The following ALPK2 variants were observed in gnomAD, a reference collection of about 807,000 sequenced individuals.
ALPK2 encodes the protein alpha-protein kinase 2.
A neutral mutation model predicts 163.1 loss-of-function variants in ALPK2; 127 were observed. The observed-to-expected ratio is 0.78, with a 90% CI of 0.67 to 0.90. ALPK2 has a LOEUF of 0.90. ALPK2 is among the 40% of genes least tolerant of loss of function. The pLI is 0.00. For missense variants in ALPK2, 2,360 were observed against 2,589.6 expected (o/e 0.91, Z 1.92); for synonymous variants, 953 against 959.1 (o/e 0.99, Z 0.12).
chr18:58,561,557 G>A (rs1168697933), intron 4 of ALPK2, among the ~76,000 whole-genome samples: 1 of 152,186 alleles, frequency 6.6e-6, no homozygotes, highest in Non-Finnish European at 1.5e-5. Flanking sequence ...GGGAGAAAGG[G>A]GGAATATAAG....
intron 9 of ALPK2, 71 bp from the exon 10 acceptor site, chr18:58,515,152 A>C: frequency 1.7e-6 from 2 of 1,176,132 alleles, no homozygotes; most frequent in Non-Finnish European, 2.4e-6. Flanking sequence ...CAGTAAGACT[A>C]TTCAGGAGAT....
At chr18:58,622,705 G>A (rs1436224187) in intron 1 of ALPK2, among the ~76,000 whole-genome samples, 1 of 152,178 alleles carries the variant, frequency 6.6e-6, no homozygotes, top group African/African-American at 2.4e-5. Flanking sequence ...GTCCAGTCTA[G>A]GAATGTGTCG....
chr18:58,628,488 CTG>C (rs953664018), intron 1 of ALPK2, among the ~76,000 whole-genome samples: 3 of 152,146 alleles, frequency 2.0e-5, no homozygotes, highest in African/African-American at 7.2e-5. Context: ...GTGAAAGAAA[CTG>C]TTTTCATTCA....
At position 58,579,001 on chromosome 18, in the gene ALPK2, C is replaced by T; in HGVS notation, c.1775G>A (p.Gly592Asp). 6.2e-7 allele frequency: 1 copy of T among 1,614,214 alleles called. No homozygotes were observed. Among genetic ancestry groups the T allele is most frequent in the Non-Finnish European group, 8.5e-7 (1 of 1,180,040 alleles). Residue 592 changes from glycine (G) to aspartate (D), a missense_variant, in exon 4 of 13, where the codon GGT becomes GAT. Physicochemically the swap from Gly to Asp is moderately conservative, Grantham distance 94. Coordinates refer to ENST00000361673, the MANE Select transcript of ALPK2 (RefSeq NM_052947.4). The part of the protein sequence containing the change: ...ETSHTTAAAT[G>D]RSSHADAREC... ...TCTTGCATCAGCATGGGAACTCCGA[C>T]CAGTCGCTGCTGCTGTGGTGTGAGA...
intron 1 of ALPK2, among the ~76,000 whole-genome samples, chr18:58,614,216 A>T (rs2052151829): frequency 6.6e-6 from 1 of 152,204 alleles, no homozygotes; most frequent in Non-Finnish European, 1.5e-5. Context: ...GGGGCAGAAC[A>T]CATGAGATGG....
chr18:58,579,472 G>C lies in ALPK2; in HGVS notation c.1304C>G (p.Pro435Arg). 6.2e-7 allele frequency: 1 copy of C among 1,614,024 alleles called. No individual in the cohort carries two copies. Among genetic ancestry groups the C allele is most frequent in the Non-Finnish European group, 8.5e-7 (1 of 1,180,010 alleles). ...PQTGMTLILGPHQDGTSSVTE... is the reference protein window; with the variant it reads ...PQTGMTLILGRHQDGTSSVTE... ...CACTGAAGACGTTCCATCCTGGTGA[G>C]GTCCCAAAATGAGAGTCATCCCTGT... The change falls in exon 4 of 13, where the codon CCT becomes CGT. Residue 435 changes from proline (P) to arginine (R), a missense_variant. Pro to Arg is a moderately radical substitution (Grantham distance 103). Coordinates refer to ENST00000361673, the MANE Select transcript of ALPK2 (RefSeq NM_052947.4).
chr18:58,621,406 G>C (rs558808412), intron 1 of ALPK2, among the ~76,000 whole-genome samples: 1 of 151,564 alleles, frequency 6.6e-6, no homozygotes, highest in Non-Finnish European at 1.5e-5. Flanking sequence ...TCCCGAGCTC[G>C]AACTACAGGC....
intron 4 of ALPK2, among the ~76,000 whole-genome samples, chr18:58,563,054 A>G (rs762496965): frequency 2.0e-5 from 3 of 152,236 alleles, no homozygotes; most frequent in African/African-American, 4.8e-5. Context: ...TTACAGAGTG[A>G]TGCTCCCCCT....
In ALPK2 at chr18:58,579,794, C is replaced by G. The variant is rs1360783712; in HGVS notation, c.982G>C (p.Glu328Gln). Residue 328 changes from glutamate (E) to glutamine (Q), a missense_variant, in exon 4 of 13, where the codon GAG becomes CAG. Physicochemically the swap from Glu to Gln is conservative, Grantham distance 29. Coordinates refer to ENST00000361673, the MANE Select transcript of ALPK2 (RefSeq NM_052947.4). ...YTEEFSDDDL[E>Q]YLECSDVMTD... Reference sequence around the variant, plus strand: ...ATAACATCAGAACATTCCAGATACTCCAGGTCATCATCTGAAAACTCCTCG... The same window carrying G: ...ATAACATCAGAACATTCCAGATACTGCAGGTCATCATCTGAAAACTCCTCG... The G allele has an allele frequency of 1.2e-6, 2 of 1,614,210 alleles. No homozygotes were observed. The highest frequency in any genetic ancestry group is 1.7e-6 in the Non-Finnish European group (2 of 1,180,028).
chr18:58,490,500 G>A (rs777947998), intron 12 of ALPK2, among the ~76,000 whole-genome samples: 2 of 151,934 alleles, frequency 1.3e-5, no homozygotes, highest in Non-Finnish European at 2.9e-5. Context: ...TTGGTTCCTG[G>A]CACTCTCTGC....
At chr18:58,576,193 G>A (rs1215645654) in intron 4 of ALPK2, among the ~76,000 whole-genome samples, 2 of 152,150 alleles carry the variant, frequency 1.3e-5, no homozygotes, top group African/African-American at 4.8e-5. Flanking sequence ...GATCAATATG[G>A]TGAAACCCTG....
chr18:58,599,281 C>T (rs1372025759), intron 3 of ALPK2, among the ~76,000 whole-genome samples: 3 of 152,158 alleles, frequency 2.0e-5, no homozygotes, highest in Non-Finnish European at 4.4e-5. Context: ...GTCAGACCCT[C>T]GGAACTCATT....
At chr18:58,597,841 G>A (rs570123293) in intron 3 of ALPK2, among the ~76,000 whole-genome samples, 5 of 152,182 alleles carry the variant, frequency 3.3e-5, no homozygotes, top group African/African-American at 7.2e-5. Context: ...AGGTCACAAG[G>A]GTGGGGCCCT....
intron 8 of ALPK2, among the ~76,000 whole-genome samples, chr18:58,519,208 A>G (rs925197023): frequency 3.3e-5 from 5 of 152,230 alleles, no homozygotes; most frequent in Non-Finnish European, 5.9e-5. Flanking sequence ...TAATTGATGG[A>G]GAAAAGCACA....
intron 4 of ALPK2, among the ~76,000 whole-genome samples, chr18:58,551,428 T>C (rs2051759599): frequency 6.6e-6 from 1 of 152,210 alleles, no homozygotes; most frequent in African/African-American, 2.4e-5. Flanking sequence ...TTTCCGTGTG[T>C]CCTCTCCTCT....
At chr18:58,606,567 G>C (rs1373232432) in intron 3 of ALPK2, among the ~76,000 whole-genome samples, 2 of 152,172 alleles carry the variant, frequency 1.3e-5, no homozygotes, top group African/African-American at 4.8e-5. Context: ...CAAGAAAATG[G>C]TAGAGCTGGA....
chr18:58,489,330 C>T (rs1018105051), intron 12 of ALPK2, among the ~76,000 whole-genome samples: 1 of 152,178 alleles, frequency 6.6e-6, no homozygotes, highest in Non-Finnish European at 1.5e-5. Flanking sequence ...TCATGAGCAA[C>T]AGTCCCACAA....
At chr18:58,619,579 A>G (rs1197518936) in intron 1 of ALPK2, among the ~76,000 whole-genome samples, 3 of 152,242 alleles carry the variant, frequency 2.0e-5, no homozygotes, top group Non-Finnish European at 2.9e-5. Context: ...TTACATTAGA[A>G]TTAGAGATAA....
intron 3 of ALPK2, among the ~76,000 whole-genome samples, chr18:58,595,645 A>G (rs2052037021): frequency 6.6e-6 from 1 of 152,190 alleles, no homozygotes; most frequent in South Asian, 2.1e-4. Flanking sequence ...GGACTAGACC[A>G]GTTGGATTTG....
Sources: allele counts gnomAD v4.1 joint callset (sites outside exome capture counted in the v4.1 genomes callset), GRCh38; gene constraint gnomAD v4.1.1; transcripts MANE v1.5; gene names NCBI Gene and HGNC (gene_info 2026-07-23, HGNC 2026-07-21).